The following SPATA13 variants were observed in gnomAD, a reference collection of about 807,000 sequenced individuals.
The protein encoded by SPATA13 is spermatogenesis-associated protein 13.
SPATA13 carries 50 observed loss-of-function variants against 104.0 expected under a neutral mutation model. The observed-to-expected ratio is 0.48, with a 90% CI of 0.38 to 0.61. The LOEUF (loss-of-function observed/expected upper bound fraction) is 0.61, where lower values mean the gene tolerates loss of function less well. Ranked by LOEUF, SPATA13 falls within the 20% of genes least tolerant of loss-of-function variation. The pLI, the probability that SPATA13 is intolerant of heterozygous loss-of-function variation, is 0.00. For synonymous variants in SPATA13, 606 were observed against 667.5 expected (o/e 0.91, Z 1.42); for missense variants, 1,524 against 1,690.6 (o/e 0.90, Z 1.73).
chr13:24,030,080 AC>A (rs1877413867), intron 3 of SPATA13, among the ~76,000 whole-genome samples: 1 of 151,150 alleles, frequency 6.6e-6, no homozygotes, highest in South Asian at 2.1e-4. Flanking sequence ...ACACACACAC[AC>A]ACACACACAT....
intron 3 of SPATA13, among the ~76,000 whole-genome samples, chr13:24,039,391 C>T (rs1877831396): frequency 6.6e-6 from 1 of 152,202 alleles, no homozygotes; most frequent in South Asian, 2.1e-4. Flanking sequence ...TCAGTGGCCT[C>T]CTTCCTAAGA....
At chr13:24,040,026 A>G (rs573708283) in intron 3 of SPATA13, among the ~76,000 whole-genome samples, 4 of 152,316 alleles carry the variant, frequency 2.6e-5, no homozygotes, top group South Asian at 4.1e-4. Context: ...TGTTTGGCCA[A>G]TCACAAGCAC....
At chr13:24,036,713 T>C (rs1385486447) in intron 3 of SPATA13, among the ~76,000 whole-genome samples, 1 of 152,122 alleles carries the variant, frequency 6.6e-6, no homozygotes, top group East Asian at 1.9e-4. Context: ...TGAAGGCTGC[T>C]CTCACCTTAC....
intron 3 of SPATA13, among the ~76,000 whole-genome samples, chr13:24,116,580 G>A (rs1880847104): frequency 6.6e-6 from 1 of 152,136 alleles, no homozygotes; most frequent in Non-Finnish European, 1.5e-5. Context: ...CTGTATCTAG[G>A]AGTTCATTTT....
chr13:23,996,999 CT>C (rs1875727701), intron 2 of SPATA13, among the ~76,000 whole-genome samples: 1 of 152,190 alleles, frequency 6.6e-6, no homozygotes, highest in Non-Finnish European at 1.5e-5. Context: ...GCCCATTGCT[CT>C]TCCCAGTGCC....
At chr13:24,038,087 A>AT (rs559343792) in intron 3 of SPATA13, among the ~76,000 whole-genome samples, 3 of 150,790 alleles carry the variant, frequency 2.0e-5, no homozygotes, top group African/African-American at 4.9e-5. Flanking sequence ...AATTTTTTGT[A>AT]TTTTTTTAGT....
chr13:24,283,279 C>T (rs1314189480), intron 4 of SPATA13, among the ~76,000 whole-genome samples: 2 of 152,192 alleles, frequency 1.3e-5, no homozygotes, highest in African/African-American at 2.4e-5. Flanking sequence ...TTATTGCATC[C>T]CCTTAAAGAC....
chr13:24,016,247 CT>C (rs972105223), intron 2 of SPATA13, among the ~76,000 whole-genome samples: 3 of 152,194 alleles, frequency 2.0e-5, no homozygotes, highest in Admixed American at 6.5e-5. Context: ...CTGCCCACCC[CT>C]GGAGTGCTCC....
intron 1 of SPATA13, among the ~76,000 whole-genome samples, chr13:24,174,937 T>G (rs1273080705): frequency 6.6e-6 from 1 of 152,256 alleles, no homozygotes; most frequent in African/African-American, 2.4e-5. Context: ...ATGCGTTGTT[T>G]CATATCCAGA....
At chr13:24,235,267 G>C (rs1872513727) in intron 2 of SPATA13, among the ~76,000 whole-genome samples, 1 of 152,206 alleles carries the variant, frequency 6.6e-6, no homozygotes, top group Non-Finnish European at 1.5e-5. Context: ...TTTAGACCCA[G>C]AAATTTGGAC....
In SPATA13 at chr13:24,286,407, G is replaced by A. The variant is rs1875951115; in HGVS notation, c.2481+14G>A. ...AGCTTCGTCAGAGTAAGTGTGGGGTGCTTGCAGCTTTTCCAAAGTACCTGG... is the reference window on the plus strand; with the variant it reads ...AGCTTCGTCAGAGTAAGTGTGGGGTACTTGCAGCTTTTCCAAAGTACCTGG... On this transcript the variant is annotated intron_variant, in intron 6 of 12. Transcript: ENST00000382108. The surrounding 1 kb of genome is among the most constrained non-coding windows in gnomAD (Gnocchi z 4.9). 3 of 1,606,358 alleles carry A rather than the reference G, an allele frequency of 1.9e-6. No individual in the cohort carries two copies. Among genetic ancestry groups the A allele is most frequent in the East Asian group, 2.2e-5 (1 of 44,770 alleles).
At chr13:24,261,335 T>C (rs1874053865) in intron 4 of SPATA13, among the ~76,000 whole-genome samples, 2 of 152,144 alleles carry the variant, frequency 1.3e-5, no homozygotes, top group African/African-American at 4.8e-5. Context: ...AAGAGCATGT[T>C]GGTCAATTGG....
At chr13:24,240,058 A>T (rs915370430) in intron 2 of SPATA13, among the ~76,000 whole-genome samples, 38 of 151,770 alleles carry the variant, frequency 2.5e-4, no homozygotes, top group Admixed American at 6.6e-5. Context: ...TAATCTCAGC[A>T]TTTTGGGAGT....
chr13:24,175,123 C>T (rs1883161621), intron 1 of SPATA13, among the ~76,000 whole-genome samples: 1 of 152,166 alleles, frequency 6.6e-6, no homozygotes, highest in African/African-American at 2.4e-5. Flanking sequence ...AATGTGTATT[C>T]TGATGTCCTA....
chr13:24,067,650 C>T, intron 3 of SPATA13, among the ~76,000 whole-genome samples: 1 of 152,140 alleles, frequency 6.6e-6, no homozygotes, highest in East Asian at 1.9e-4. Context: ...ACCTCAGGAA[C>T]AGAATCTTGG....
At chr13:24,231,434 C>G (rs1179940147) in intron 2 of SPATA13, among the ~76,000 whole-genome samples, 1 of 152,216 alleles carries the variant, frequency 6.6e-6, no homozygotes, top group Non-Finnish European at 1.5e-5. Context: ...ATCAGTGCTT[C>G]CTTCCTTGTT....
intron 2 of SPATA13, among the ~76,000 whole-genome samples, chr13:24,005,799 A>G (rs75782961): frequency 0.034 from 5,199 of 152,298 alleles, 191 homozygotes; most frequent in African/African-American, 0.09. Flanking sequence ...AGCAAGATGC[A>G]GCATGGGCAT....
chr13:24,150,721 T>C (rs1007308417), intron 3 of SPATA13, among the ~76,000 whole-genome samples: 5 of 152,110 alleles, frequency 3.3e-5, no homozygotes, highest in African/African-American at 1.2e-4. Context: ...GGCTTTTGTG[T>C]TGCAGTCTTG....
intron 3 of SPATA13, among the ~76,000 whole-genome samples, chr13:24,095,869 A>G (rs748684990): frequency 6.6e-6 from 1 of 152,228 alleles, no homozygotes; most frequent in African/African-American, 2.4e-5. Context: ...TTCTGGTGCC[A>G]TACCAATAAC....
Sources: gnomAD v4.1 joint callset for allele counts (sites outside exome capture counted in the v4.1 genomes callset) on GRCh38, gnomAD v4.1.1 for gene constraint, Gnocchi (gnomAD v3.1) non-coding constraint, MANE v1.5 for transcripts, NCBI Gene and HGNC (gene_info 2026-07-23, HGNC 2026-07-21) for gene names.